SMYD3: variants seen among roughly 807,000 people sequenced by gnomAD.
SMYD3 encodes SET and MYND domain containing 3.
SMYD3 carries 36 observed loss-of-function variants against 57.7 expected under a neutral mutation model. The ratio of observed to expected loss-of-function variants is 0.62; its 90% CI spans 0.48 to 0.82. The LOEUF (loss-of-function observed/expected upper bound fraction) is 0.82. Among genes scored for constraint, SMYD3 ranks in the 40% least tolerant of loss-of-function variants. The pLI is 0.00. For missense variants in SMYD3, 515 were observed against 538.8 expected (o/e 0.96, Z 0.44); for synonymous variants, 211 against 195.0 (o/e 1.08, Z -0.68).
chr1:245,871,795 G>A (rs140938827), intron 8 of SMYD3, among the ~76,000 whole-genome samples: 11 of 152,138 alleles, frequency 7.2e-5, no homozygotes, highest in Non-Finnish European at 1.2e-4. Flanking sequence ...AGTTACTTAC[G>A]TCCTAAATGT....
chr1:246,355,060 C>T lies in SMYD3; in HGVS notation c.199G>A (p.Val67Ile), dbSNP rs142323814. Residue 67 changes from valine (V) to isoleucine (I), a missense_variant, in exon 2 of 12, where the codon GTC (valine) becomes ATC (isoleucine). Coordinates refer to ENST00000490107, the MANE Select transcript of SMYD3 (RefSeq NM_001167740.2). This position sits in a 1 kb window ranked among gnomAD's most constrained non-coding sequence, Gnocchi z 5.0. ...EKLMRCSQCR[V>I]AKYCSAKCQK... ...CACTTAGCACTACAGTATTTGGCGA[C>T]GCGGCACTGAGAGCATCGCATCAGC... 3.0e-4 allele frequency: 482 copies of T among 1,614,080 alleles called. 1 individual carries two copies. In the African/African-American group the frequency reaches 5.1e-3, roughly 17 times the overall value.
At chr1:246,125,155 T>G (rs1362193996) in intron 5 of SMYD3, among the ~76,000 whole-genome samples, 1 of 152,150 alleles carries the variant, frequency 6.6e-6, no homozygotes, top group Non-Finnish European at 1.5e-5. Context: ...TTACGGAACT[T>G]TACTACATTG....
intron 1 of SMYD3, among the ~76,000 whole-genome samples, chr1:246,371,342 G>A (rs1361756113): frequency 5.3e-5 from 8 of 152,142 alleles, no homozygotes; most frequent in African/African-American, 1.9e-4. Flanking sequence ...TGACCAAGAT[G>A]AACTGCAGAA....
chr1:246,165,352 C>G (rs1420595721), intron 5 of SMYD3, among the ~76,000 whole-genome samples: 3 of 151,946 alleles, frequency 2.0e-5, no homozygotes, highest in South Asian at 2.1e-4. Context: ...CTTTTTTTCC[C>G]CTCCCTCGCT....
chr1:246,265,075 T>C (rs1473917880), intron 5 of SMYD3, among the ~76,000 whole-genome samples: 1 of 152,228 alleles, frequency 6.6e-6, no homozygotes, highest in Non-Finnish European at 1.5e-5. Flanking sequence ...TTTTGTAAAA[T>C]ATTAATTGCT....
At chr1:246,381,041 G>C (rs554604975) in intron 1 of SMYD3, among the ~76,000 whole-genome samples, 1 of 152,212 alleles carries the variant, frequency 6.6e-6, no homozygotes, top group Non-Finnish European at 1.5e-5. Flanking sequence ...TGGAAGGTGA[G>C]GTAATGGGGA....
chr1:246,312,891 G>A (rs542769152), intron 5 of SMYD3, among the ~76,000 whole-genome samples: 24 of 150,866 alleles, frequency 1.6e-4, no homozygotes, highest in African/African-American at 5.3e-4. Flanking sequence ...TGAGATTTAA[G>A]TGGGTATTGT....
intron 5 of SMYD3, among the ~76,000 whole-genome samples, chr1:246,226,391 C>CT (rs1259231999): frequency 2.6e-5 from 4 of 152,094 alleles, no homozygotes; most frequent in Non-Finnish European, 4.4e-5. Flanking sequence ...AGGCCATGTA[C>CT]TACAGATTTA....
intron 1 of SMYD3, among the ~76,000 whole-genome samples, chr1:246,492,983 T>C (rs916321055): frequency 1.3e-5 from 2 of 152,182 alleles, no homozygotes; most frequent in African/African-American, 2.4e-5. Flanking sequence ...TTAAGGTACA[T>C]TGTTTCTTTT....
intron 11 of SMYD3, among the ~76,000 whole-genome samples, chr1:245,751,738 A>T (rs2045388710): frequency 6.6e-6 from 1 of 152,172 alleles, no homozygotes; most frequent in South Asian, 2.1e-4. Context: ...TCACCCTGTG[A>T]CACTCCAGCT....
Position 245,833,073 on chromosome 1 carries a change from A to AAAAAAAAAAAAAAAAAAAAAAAAAAC in SMYD3, c.1076+25422_1076+25423insGTTTTTTTTTTTTTTTTTTTTTTTTT. On this transcript the variant is annotated intron_variant, in intron 10 of 11. Coordinates refer to ENST00000490107, the MANE Select transcript of SMYD3 (RefSeq NM_001167740.2). ...GGAATATGTGACAAAAAAAAAAAAA[A>AAAAAAAAAAAAAAAAAAAAAAAAAAC]AACCTGCTTTTATAATGCTGATTCA... Among the ~76,000 whole-genome samples the AAAAAAAAAAAAAAAAAAAAAAAAAAC allele has an allele frequency of 6.2e-5, 8 of 128,650 alleles. 1 individual carries two copies. Among genetic ancestry groups the AAAAAAAAAAAAAAAAAAAAAAAAAAC allele is most frequent in the East Asian group, 6.7e-4 (2 of 2,980 alleles). The allele number at this position is 128,650 out of a possible 152,430, so 84.4% of individuals were successfully genotyped here. A position where few individuals can be genotyped will look rare whatever the true frequency, so the allele number is the denominator to read the frequency against.
intron 5 of SMYD3, among the ~76,000 whole-genome samples, chr1:246,271,080 T>A (rs1346460221): frequency 1.3e-5 from 2 of 152,234 alleles, no homozygotes; most frequent in South Asian, 2.1e-4. Flanking sequence ...ATGCTAAGCA[T>A]CTTTTCATGT....
chr1:245,785,103 A>G (rs1170077599), intron 10 of SMYD3, among the ~76,000 whole-genome samples: 1 of 151,310 alleles, frequency 6.6e-6, no homozygotes, highest in Non-Finnish European at 1.5e-5. Context: ...TTGAGGCTCA[A>G]ACTCCTGACC....
At chr1:246,243,973 A>G (rs1780809) in intron 5 of SMYD3, among the ~76,000 whole-genome samples, 34,489 of 109,868 alleles carry the variant, frequency 0.31, 8,371 homozygotes, top group East Asian at 0.67. Flanking sequence ...TACTTGGGAG[A>G]CATATATGTG....
At chr1:246,302,419 A>C (rs2064906099) in intron 5 of SMYD3, among the ~76,000 whole-genome samples, 1 of 152,164 alleles carries the variant, frequency 6.6e-6, no homozygotes, top group Non-Finnish European at 1.5e-5. Context: ...TGTCATGTGA[A>C]ACTGTTTTCA....
At chr1:246,106,770 T>G (rs1305041792) in intron 5 of SMYD3, among the ~76,000 whole-genome samples, 3 of 152,150 alleles carry the variant, frequency 2.0e-5, no homozygotes, top group Admixed American at 6.5e-5. Flanking sequence ...CTCTGGCCTA[T>G]GTGGAGCCAT....
chr1:246,278,950 T>G (rs981108489), intron 5 of SMYD3, among the ~76,000 whole-genome samples: 7 of 152,192 alleles, frequency 4.6e-5, no homozygotes, highest in Admixed American at 2.6e-4. Flanking sequence ...GTCAGGATCA[T>G]GCAGCAACTT....
chr1:246,364,207 C>A (rs1203007886), intron 1 of SMYD3, among the ~76,000 whole-genome samples: 2 of 132,628 alleles, frequency 1.5e-5, no homozygotes, highest in South Asian at 2.4e-4. Context: ...GTAATAAATG[C>A]GTGTGGTTGT....
intron 5 of SMYD3, chr1:245,930,205 A>G: frequency 2.0e-6 from 1 of 504,682 alleles, no homozygotes; most frequent in South Asian, 1.7e-5. Flanking sequence ...AGGAACCATT[A>G]ATTTCAGTCT....
Sources: gnomAD v4.1 joint callset for allele counts (sites outside exome capture counted in the v4.1 genomes callset) on GRCh38, gnomAD v4.1.1 for gene constraint, Gnocchi (gnomAD v3.1) non-coding constraint, MANE v1.5 for transcripts, NCBI Gene and HGNC (gene_info 2026-07-23, HGNC 2026-07-21) for gene names.